Variants in HIVEP3 observed in about 807,000 individuals in gnomAD.
The protein encoded by HIVEP3 is transcription factor HIVEP3.
Under a neutral mutation model 152.8 loss-of-function variants are expected in HIVEP3, and 49 were observed. The observed-to-expected ratio is 0.32, with a 90% CI of 0.26 to 0.41. HIVEP3 has a LOEUF of 0.41. HIVEP3 is among the 10% of genes least tolerant of loss of function. The pLI, the probability that HIVEP3 is intolerant of heterozygous loss-of-function variation, is 1.00. For missense variants in HIVEP3, 2,790 were observed against 3,103.3 expected, an observed-to-expected ratio of 0.90 and a Z score of 2.40; for synonymous variants, 1,269 against 1,289.0, an observed-to-expected ratio of 0.98 and a Z score of 0.33.
At position 41,687,624 on chromosome 1, in the gene HIVEP3, T is replaced by C. The variant is rs185075147; in HGVS notation, c.-721+13292A>G. On this transcript the variant is annotated intron_variant, in intron 2 of 8. Coordinates refer to ENST00000372583, the MANE Select transcript of HIVEP3 (RefSeq NM_024503.5). ...GCCCAGCTGCAGCAAACGCACACAC[T>C]TAGGTGCACGGCGATGCTGGGAGCA... Among the ~76,000 whole-genome samples, 11 of 152,316 alleles carry C rather than the reference T, an allele frequency of 7.2e-5. No individual in the cohort carries two copies. In the East Asian group the frequency reaches 2.1e-3, roughly 29 times the overall value.
Position 41,583,769 on chromosome 1 carries a change from T to C in HIVEP3, c.1029A>G (p.Glu343=). Residue 343 remains glutamate (E), a synonymous_variant, in exon 4 of 9, where the codon GAA becomes GAG. Transcript: ENST00000372583. The surrounding 1 kb of genome is among the most constrained non-coding windows in gnomAD (Gnocchi z 6.9). ...GGCTCAGGGGGTGCTCAGATGAGGG[T>C]TCCACAAATGGAGGGGGGTCTTCGA... The part of the protein sequence containing the change: ...QSLEDPPPFV[E]PSSEHPLSHK... The C allele has an allele frequency of 1.3e-6, 2 of 1,592,152 alleles. No homozygotes were observed. The highest frequency in any genetic ancestry group is 8.6e-7 in the Non-Finnish European group (1 of 1,168,764).
rs780555204 is a variant in HIVEP3 at position 41,584,016 on chromosome 1, T to C, written c.782A>G (p.His261Arg). Residue 261 changes from histidine to arginine, a missense_variant, in exon 4 of 9, where the codon CAT becomes CGT. Physicochemically the swap from His to Arg is conservative, Grantham distance 29. Transcript: ENST00000372583. The surrounding 1 kb of genome is among the most constrained non-coding windows in gnomAD (Gnocchi z 5.2). The part of the protein sequence containing the change: ...ASGMGGEMYP[H>R]GLEMERIPGE... Reference sequence around the variant, plus strand: ...AGGGATCCGCTCCATCTCCAGCCCATGTGGGTACATCTCGCCACCCATGCC... The same window carrying C: ...AGGGATCCGCTCCATCTCCAGCCCACGTGGGTACATCTCGCCACCCATGCC... 6.2e-7 allele frequency: 1 copy of C among 1,614,166 alleles called. No individual in the cohort carries two copies. Among genetic ancestry groups the C allele is most frequent in the East Asian group, 2.2e-5 (1 of 44,882 alleles).
At chr1:41,656,647 G>A (rs1033668518) in intron 2 of HIVEP3, among the ~76,000 whole-genome samples, 2 of 152,216 alleles carry the variant, frequency 1.3e-5, no homozygotes, top group African/African-American at 4.8e-5. Context: ...AGACAGAAAG[G>A]AAACGGGGGT....
intron 1 of HIVEP3, among the ~76,000 whole-genome samples, chr1:41,703,513 T>C (rs373892926): frequency 2.6e-5 from 4 of 152,272 alleles, no homozygotes; most frequent in South Asian, 4.1e-4. Flanking sequence ...AATTTCTTCC[T>C]CTATAAAAAA....
chr1:41,593,963 G>GC (rs1261691372), intron 3 of HIVEP3, among the ~76,000 whole-genome samples: 1 of 152,132 alleles, frequency 6.6e-6, no homozygotes, highest in Non-Finnish European at 1.5e-5. Context: ...CACCTGCAAA[G>GC]CTGGTAACAG....
In HIVEP3 at chr1:41,535,180, G is replaced by A. The variant is rs146525839; in HGVS notation, c.5208-10270C>T. Among the ~76,000 whole-genome samples the A allele has an allele frequency of 2.2e-3, 333 of 152,260 alleles. 1 individual carries two copies. Among genetic ancestry groups the A allele is most frequent in the South Asian group, 5.6e-3 (27 of 4,826 alleles). ...CATCATCTAAACACTTTTAGATGAT[G>A]CCGACCAAGGTTTTGTTAGCATCTT... On this transcript the variant is annotated intron_variant, in intron 5 of 8. Coordinates refer to ENST00000372583, the MANE Select transcript of HIVEP3 (RefSeq NM_024503.5).
At chr1:41,945,201 C>T (rs1645068342) in intron 1 of HIVEP3, among the ~76,000 whole-genome samples, 1 of 152,126 alleles carries the variant, frequency 6.6e-6, no homozygotes, top group Non-Finnish European at 1.5e-5. Flanking sequence ...ACTCCTTCCC[C>T]AACTAATAAG....
At chr1:41,552,407 C>A (rs1443376259) in intron 5 of HIVEP3, among the ~76,000 whole-genome samples, 1 of 144,534 alleles carries the variant, frequency 6.9e-6, no homozygotes, top group East Asian at 2.1e-4. Flanking sequence ...GTGATGTTCC[C>A]TTTCCTGTGT....
intron 1 of HIVEP3, among the ~76,000 whole-genome samples, chr1:41,813,560 G>T (rs2124331404): frequency 6.6e-6 from 1 of 152,186 alleles, no homozygotes; most frequent in East Asian, 1.9e-4. Flanking sequence ...GACCACAGTG[G>T]ATAGAAATCT....
At chr1:41,687,316 C>T (rs898380379) in intron 2 of HIVEP3, among the ~76,000 whole-genome samples, 9 of 152,224 alleles carry the variant, frequency 5.9e-5, no homozygotes, top group African/African-American at 1.9e-4. Flanking sequence ...GATGACATAA[C>T]CTGACTTTTA....
chr1:41,806,763 T>C (rs1650642725), intron 1 of HIVEP3, among the ~76,000 whole-genome samples: 1 of 152,142 alleles, frequency 6.6e-6, no homozygotes, highest in African/African-American at 2.4e-5. Flanking sequence ...CAGGCTCACC[T>C]GGGACTCCAG....
At chr1:41,939,629 G>C (rs993349894) in intron 1 of HIVEP3, among the ~76,000 whole-genome samples, 3 of 152,120 alleles carry the variant, frequency 2.0e-5, no homozygotes, top group Non-Finnish European at 2.9e-5. Flanking sequence ...GTTTCCATTA[G>C]GGCTTACCAG....
intron 5 of HIVEP3, among the ~76,000 whole-genome samples, chr1:41,573,837 G>A (rs1644287272): frequency 6.6e-6 from 1 of 152,218 alleles, no homozygotes; most frequent in Non-Finnish European, 1.5e-5. Flanking sequence ...AGAGGATTCT[G>A]AAGCAGAGCA....
chr1:41,967,616 C>T (rs961937483), intron 1 of HIVEP3, among the ~76,000 whole-genome samples: 1 of 152,102 alleles, frequency 6.6e-6, no homozygotes, highest in Non-Finnish European at 1.5e-5. Context: ...AATCAACATC[C>T]TAACATCACA....
chr1:41,591,246 A>C (rs1360281991), intron 3 of HIVEP3, among the ~76,000 whole-genome samples: 2 of 152,148 alleles, frequency 1.3e-5, no homozygotes, highest in Non-Finnish European at 2.9e-5. Context: ...GCTGGTGCTC[A>C]AGAAATGAGA....
chr1:41,888,697 C>G (rs924929584), intron 1 of HIVEP3, among the ~76,000 whole-genome samples: 2 of 132,398 alleles, frequency 1.5e-5, no homozygotes, highest in African/African-American at 5.7e-5. Context: ...AACATACACA[C>G]CATATACCTC....
At chr1:41,870,389 C>A (rs889640728) in intron 1 of HIVEP3, among the ~76,000 whole-genome samples, 1 of 152,138 alleles carries the variant, frequency 6.6e-6, no homozygotes, top group African/African-American at 2.4e-5. Context: ...TAATCACACA[C>A]ACAATACTGA....
rs558664397 is a variant in HIVEP3 at position 41,975,958 on chromosome 1, C to G, written n.120-57434G>C. 2.0e-5 allele frequency among the ~76,000 whole-genome samples: 3 copies of G among 152,318 alleles called. No homozygotes were observed. In the South Asian group the frequency reaches 6.2e-4, roughly 32 times the overall value. On this transcript the variant is annotated intron_variant and non_coding_transcript_variant, in intron 1 of 3. Coordinates refer to the HIVEP3 transcript ENST00000489103. ...CACGAGTAGAAGAACACCCAGCCAG[C>G]ACTTCCCTAAGGGCAAACCATTCTC...
chr1:41,702,834 T>C (rs1646382836), intron 1 of HIVEP3, among the ~76,000 whole-genome samples: 1 of 152,146 alleles, frequency 6.6e-6, no homozygotes, highest in Non-Finnish European at 1.5e-5. Flanking sequence ...TGGTCAAGGG[T>C]AAAGAGCCTT....
Sources: gnomAD v4.1 joint callset for allele counts (sites outside exome capture counted in the v4.1 genomes callset) on GRCh38, gnomAD v4.1.1 for gene constraint, Gnocchi (gnomAD v3.1) non-coding constraint, MANE v1.5 for transcripts, NCBI Gene and HGNC (gene_info 2026-07-23, HGNC 2026-07-21) for gene names.